PIK3C2G: variants seen among roughly 807,000 people sequenced by gnomAD.
The protein encoded by PIK3C2G is phosphatidylinositol-4-phosphate 3-kinase catalytic subunit type 2 gamma.
PIK3C2G carries 168 observed loss-of-function variants against 181.1 expected under a neutral mutation model. The ratio of observed to expected loss-of-function variants is 0.93; its 90% CI spans 0.82 to 1.05. The LOEUF is 1.05. PIK3C2G is among the 50% of genes least tolerant of loss of function. PIK3C2G has a pLI of 0.00. For synonymous variants in PIK3C2G, 573 were observed against 592.2 expected, an observed-to-expected ratio of 0.97 and a Z score of 0.47; for missense variants, 1,869 against 1,732.8, an observed-to-expected ratio of 1.08 and a Z score of -1.40.
At chr12:18,626,142 T>A (rs1229183642) in intron 31 of PIK3C2G, among the ~76,000 whole-genome samples, 1 of 151,842 alleles carries the variant, frequency 6.6e-6, no homozygotes, top group African/African-American at 2.4e-5. Context: ...GATTGATGGT[T>A]TTCTGTAGTA....
intron 26 of PIK3C2G, among the ~76,000 whole-genome samples, chr12:18,559,821 T>TATATATATAG (rs1945244509): frequency 1.6e-4 from 3 of 18,370 alleles, no homozygotes; most frequent in African/African-American, 2.0e-4. Context: ...TATATATATA[T>TATATATATAG]AGAGAGAGAG....
At chr12:18,367,366 G>A (rs963431481) in intron 12 of PIK3C2G, among the ~76,000 whole-genome samples, 3 of 152,034 alleles carry the variant, frequency 2.0e-5, no homozygotes, top group Non-Finnish European at 4.4e-5. Context: ...TTTGGATACC[G>A]AAATATCTAG....
chr12:18,600,063 A>C (rs1234683472), intron 30 of PIK3C2G, among the ~76,000 whole-genome samples: 1 of 152,164 alleles, frequency 6.6e-6, no homozygotes, highest in Non-Finnish European at 1.5e-5. Flanking sequence ...TTATAGAAAA[A>C]TAAAGTAGTC....
chr12:18,301,813 G>A (rs776535853), intron 5 of PIK3C2G, among the ~76,000 whole-genome samples: 4 of 152,002 alleles, frequency 2.6e-5, no homozygotes, highest in Non-Finnish European at 4.4e-5. Flanking sequence ...AAATATATAT[G>A]CTATTAGTGT....
In PIK3C2G at chr12:18,479,591, T is replaced by C. The variant is rs141516815; in HGVS notation, c.2505-8858T>C. Among the ~76,000 whole-genome samples the C allele has an allele frequency of 5.3e-5, 8 of 152,228 alleles. No homozygotes were observed. The East Asian group carries it at 1.4e-3, about 26-fold the overall frequency. ...CTGGCACAGAGTAAATGCTTGATAA[T>C]TTCATAAAAGAATAAAATTATAGAG... On this transcript the variant is annotated intron_variant, in intron 18 of 32. Transcript: ENST00000538779.
intron 31 of PIK3C2G, among the ~76,000 whole-genome samples, chr12:18,625,096 C>T (rs1048135337): frequency 6.6e-6 from 1 of 151,326 alleles, no homozygotes; most frequent in African/African-American, 2.4e-5. Flanking sequence ...TTTCTATTTC[C>T]TTGAAGCACA....
At chr12:18,688,826 T>A in the PIK3C2G span, among the ~76,000 whole-genome samples, 1 of 152,068 alleles carries the variant, frequency 6.6e-6, no homozygotes, top group African/African-American at 2.4e-5. Flanking sequence ...ATATTTGAAA[T>A]GTACTGACTT....
chr12:18,448,215 C>T (rs1947137486), intron 18 of PIK3C2G, among the ~76,000 whole-genome samples: 1 of 151,950 alleles, frequency 6.6e-6, no homozygotes, highest in Non-Finnish European at 1.5e-5. Flanking sequence ...AATTTGATTT[C>T]AGTTTGTGTA....
chr12:18,650,153 C>T (rs969019176), downstream of PIK3C2G, among the ~76,000 whole-genome samples: 26 of 151,850 alleles, frequency 1.7e-4, no homozygotes, highest in Non-Finnish European at 7.4e-5. Flanking sequence ...ACTCAGTATC[C>T]CCAAAAGTAC....
intron 18 of PIK3C2G, among the ~76,000 whole-genome samples, chr12:18,449,752 G>A (rs1947246712): frequency 6.6e-6 from 1 of 152,126 alleles, no homozygotes; most frequent in Admixed American, 6.6e-5. Flanking sequence ...AAATAGTGCT[G>A]CAATAAATAT....
At position 18,317,331 on chromosome 12, in the gene PIK3C2G, A is replaced by AT. The variant is rs1037531502; in HGVS notation, c.1137+3277dup. 7.0e-3 allele frequency among the ~76,000 whole-genome samples: 1,045 copies of AT among 149,430 alleles called. 11 individuals are homozygous for AT. Among genetic ancestry groups the AT allele is most frequent in the African/African-American group, 0.024 (979 of 40,776 alleles). The stretch of plus-strand genomic sequence containing the variant: ...TGGTCCAAGTCTTGATAGTTTCAGG[A>AT]TTTTTTTTTTCGCATTACATTTCAA... On this transcript the variant is annotated intron_variant, in intron 6 of 32. Coordinates refer to ENST00000538779, the MANE Select transcript of PIK3C2G (RefSeq NM_001288772.2).
chr12:18,371,041 T>C, intron 12 of PIK3C2G, 139 bp from the exon 13 acceptor site: 1 of 602,830 alleles, frequency 1.7e-6, no homozygotes, highest in Non-Finnish European at 2.6e-6. Flanking sequence ...TTTTACAAGA[T>C]TAAACAAAAA....
intron 18 of PIK3C2G, among the ~76,000 whole-genome samples, chr12:18,450,529 C>A (rs999230974): frequency 5.3e-5 from 8 of 152,094 alleles, no homozygotes; most frequent in African/African-American, 1.9e-4. Flanking sequence ...TCCTTCTGTA[C>A]ATTTCCTGTT....
intron 24 of PIK3C2G, among the ~76,000 whole-genome samples, chr12:18,529,922 C>G (rs1016396848): frequency 2.0e-5 from 3 of 152,070 alleles, no homozygotes; most frequent in Non-Finnish European, 4.4e-5. Context: ...AGAAGATAAC[C>G]AAGTGCCACA....
chr12:18,388,918 C>T (rs1455582918), intron 14 of PIK3C2G, among the ~76,000 whole-genome samples: 3 of 152,162 alleles, frequency 2.0e-5, no homozygotes, highest in Non-Finnish European at 4.4e-5. Context: ...CCCAAAAAAA[C>T]ATATTTTTGT....
intron 12 of PIK3C2G, 79 bp from the exon 13 acceptor site, chr12:18,371,101 C>A: frequency 8.4e-7 from 1 of 1,185,062 alleles, no homozygotes; most frequent in Non-Finnish European, 1.2e-6. Context: ...TTGTCCCAGA[C>A]CAGTACATTA....
intron 5 of PIK3C2G, among the ~76,000 whole-genome samples, chr12:18,298,131 A>G (rs7299045): frequency 0.36 from 54,156 of 151,790 alleles, 10,214 homozygotes; most frequent in Admixed American, 0.42. Flanking sequence ...GTAGTAATTT[A>G]CATTCTCTCC....
the PIK3C2G span, chr12:18,693,622 G>A: frequency 1.2e-5 from 19 of 1,568,316 alleles, no homozygotes; most frequent in Admixed American, 1.7e-4. Flanking sequence ...CGTCCATTGT[G>A]TTTATTGATG....
At chr12:18,387,036 T>C (rs192080606) in intron 14 of PIK3C2G, among the ~76,000 whole-genome samples, 55 of 152,268 alleles carry the variant, frequency 3.6e-4, no homozygotes, top group African/African-American at 1.3e-3. Flanking sequence ...CGGAGCCCAC[T>C]TCCTCTCCAA....
Sources: gnomAD v4.1 joint callset for allele counts (sites outside exome capture counted in the v4.1 genomes callset) on GRCh38, gnomAD v4.1.1 for gene constraint, MANE v1.5 for transcripts, NCBI Gene and HGNC (gene_info 2026-07-23, HGNC 2026-07-21) for gene names.